The following IGSF10 variants were observed in gnomAD, a reference collection of about 807,000 sequenced individuals.
IGSF10 encodes calvaria mechanical force protein 608.
Under a neutral mutation model 128.2 loss-of-function variants are expected in IGSF10, and 126 were observed. That is an observed-to-expected ratio of 0.98 (90% CI 0.85 to 1.14). The LOEUF is 1.14. Among genes scored for constraint, IGSF10 ranks in the 50% most tolerant of loss-of-function variants. The pLI is 0.00. For synonymous variants in IGSF10, 1,185 were observed against 1,146.2 expected, an observed-to-expected ratio of 1.03 and a Z score of -0.68; for missense variants, 3,295 against 3,149.8, an observed-to-expected ratio of 1.05 and a Z score of -1.10.
At chr3:151,491,033 CAG>C in the IGSF10 span, among the ~76,000 whole-genome samples, 1 of 151,812 alleles carries the variant, frequency 6.6e-6, no homozygotes, top group South Asian at 2.1e-4. Flanking sequence ...AAACAGAAAA[CAG>C]AAAGCCATGG....
intron 2 of IGSF10, among the ~76,000 whole-genome samples, chr3:151,459,066 ACATT>A (rs1279771137): frequency 6.6e-6 from 1 of 152,248 alleles, no homozygotes; most frequent in African/African-American, 2.4e-5. Flanking sequence ...TCCTTTATAT[ACATT>A]AATTCTTTTA....
chr3:151,605,268 A>T, the IGSF10 span, among the ~76,000 whole-genome samples: 2 of 152,176 alleles, frequency 1.3e-5, no homozygotes, highest in Admixed American at 1.3e-4. Flanking sequence ...TTACAAATAA[A>T]TTTAATGTGT....
the IGSF10 span, among the ~76,000 whole-genome samples, chr3:151,617,239 C>CTT: frequency 1.0e-4 from 10 of 95,272 alleles, no homozygotes; most frequent in African/African-American, 5.3e-4. Flanking sequence ...TCTTCTTCTT[C>CTT]CTCCTCCTCT....
chr3:151,441,917 C>T lies in IGSF10; in HGVS notation c.5963+1067G>A, dbSNP rs1316456439. Among the ~76,000 whole-genome samples the T allele has an allele frequency of 1.1e-4, 16 of 152,146 alleles. 1 individual carries two copies. Among genetic ancestry groups the T allele is most frequent in the Admixed American group, 7.2e-4 (11 of 15,264 alleles). On this transcript the variant is annotated intron_variant, in intron 7 of 7. Transcript: ENST00000282466. ...TCTACTAAAAATACAAAAAATTAGT[C>T]GGATGTGGTGGCGGGTGCCTGTGGT...
intron 5 of IGSF10, among the ~76,000 whole-genome samples, chr3:151,452,102 A>G (rs1303627241): frequency 6.6e-6 from 1 of 152,146 alleles, no homozygotes; most frequent in Admixed American, 6.5e-5. Flanking sequence ...TGACTGACCC[A>G]TGGGTCTCGT....
chr3:151,605,655 A>T, the IGSF10 span, among the ~76,000 whole-genome samples: 1 of 152,252 alleles, frequency 6.6e-6, no homozygotes, highest in East Asian at 1.9e-4. Context: ...TAAAGATGAA[A>T]AACACTAAGG....
chr3:151,578,322 A>G, the IGSF10 span, among the ~76,000 whole-genome samples: 7 of 152,218 alleles, frequency 4.6e-5, no homozygotes, highest in Admixed American at 4.6e-4. Flanking sequence ...GCTATGGGGT[A>G]TCTTATGGCA....
Position 151,443,312 on chromosome 3 carries a change from A to C in IGSF10, c.5635T>G (p.Ser1879Ala), listed in dbSNP as rs146860096. 57 of 1,614,172 alleles carry C rather than the reference A, an allele frequency of 3.5e-5. No homozygotes were observed. In the African/African-American group the frequency reaches 6.1e-4, roughly 17 times the overall value. ...TPQPSVYWVL[S>A]DGTEVKPLQF... is the part of the protein sequence containing the mutation. The stretch of plus-strand genomic sequence containing the variant: ...AATGGTTTCACTTCAGTGCCATCAG[A>C]GAGGACCCAGTAAACGCTGGGCTGA... The change falls in exon 7 of 8, where the codon TCT becomes GCT. Residue 1879 changes from serine to alanine, a missense_variant. Physicochemically the swap from Ser to Ala is moderately conservative, Grantham distance 99. Coordinates refer to ENST00000282466, the MANE Select transcript of IGSF10 (RefSeq NM_178822.5).
At position 151,446,146 on chromosome 3, in the gene IGSF10, T is replaced by A; in HGVS notation, c.3835A>T (p.Asn1279Tyr). The change falls in exon 6 of 8, where the codon AAT becomes TAT. Residue 1279 changes from asparagine (N) to tyrosine (Y), a missense_variant. Physicochemically the swap from Asn to Tyr is moderately radical, Grantham distance 143. Transcript: ENST00000282466. Reference protein sequence around the residue: ...TAHHTTTKTHNPGSLPTKKEL... With the variant: ...TAHHTTTKTHYPGSLPTKKEL... ...TTCTTTGTTGGAAGACTTCCAGGAT[T>A]GTGTGTTTTGGTCGTAGTGTGGTGA... 6.2e-7 allele frequency: 1 copy of A among 1,614,038 alleles called. No homozygotes were observed. The highest frequency in any genetic ancestry group is 8.5e-7 in the Non-Finnish European group (1 of 1,179,918).
chr3:151,594,331 CTTTT>C, the IGSF10 span, among the ~76,000 whole-genome samples: 1 of 121,518 alleles, frequency 8.2e-6, no homozygotes, highest in Non-Finnish European at 1.7e-5. Flanking sequence ...ATAAAAACTG[CTTTT>C]TTTTTTTTTT....
chr3:151,449,344 G>T, intron 5 of IGSF10, 79 bp from the exon 6 acceptor site: 2 of 1,346,964 alleles, frequency 1.5e-6, no homozygotes, highest in Non-Finnish European at 2.0e-6. Context: ...AATAGCTTTT[G>T]CTAGAAGCTG....
downstream of IGSF10, chr3:151,435,757 A>T (rs993390050): frequency 6.6e-6 from 1 of 152,216 alleles, no homozygotes; most frequent in Admixed American, 6.5e-5. Context: ...CATGTAATAT[A>T]AATTCAGTGA....
chr3:151,449,147 C>G lies in IGSF10; in HGVS notation c.834G>C (p.Gln278His). 6.2e-7 allele frequency: 1 copy of G among 1,614,154 alleles called. No individual in the cohort carries two copies. Among genetic ancestry groups the G allele is most frequent in the African/African-American group, 1.3e-5 (1 of 75,032 alleles). The change falls in exon 6 of 8, where the codon CAG becomes CAC. Residue 278 changes from glutamine to histidine, a missense_variant. Coordinates refer to ENST00000282466, the MANE Select transcript of IGSF10 (RefSeq NM_178822.5). ...ATGAGTCAATGGTTGGCTTGGCACA[C>G]TGGAAAGCTGCAGCTGAGACCATAG... Reference protein sequence around the residue: ...PLAMVSAAAFQCAKPTIDSSL... With the variant: ...PLAMVSAAAFHCAKPTIDSSL...
chr3:151,452,973 G>T (rs956123166), intron 5 of IGSF10, among the ~76,000 whole-genome samples: 1 of 152,000 alleles, frequency 6.6e-6, no homozygotes, highest in Non-Finnish European at 1.5e-5. Flanking sequence ...GCAGGAAGTT[G>T]TCCAGAGTTG....
chr3:151,528,806 T>G, the IGSF10 span, among the ~76,000 whole-genome samples: 7 of 148,600 alleles, frequency 4.7e-5, no homozygotes, highest in Admixed American at 3.4e-4. Context: ...AGGAGTTTTT[T>G]TTTTTTTTTT....
the IGSF10 span, among the ~76,000 whole-genome samples, chr3:151,502,978 A>G: frequency 1.9e-3 from 283 of 152,280 alleles, no homozygotes; most frequent in African/African-American, 6.6e-3. Flanking sequence ...GAAGGCTAAT[A>G]GCAAAAACTC....
chr3:151,520,480 G>T, the IGSF10 span, among the ~76,000 whole-genome samples: 1 of 151,542 alleles, frequency 6.6e-6, no homozygotes, highest in Non-Finnish European at 1.5e-5. Context: ...AAACCATACT[G>T]TTTATACATT....
At chr3:151,491,830 G>A in the IGSF10 span, among the ~76,000 whole-genome samples, 3 of 151,958 alleles carry the variant, frequency 2.0e-5, no homozygotes, top group Non-Finnish European at 4.4e-5. Context: ...GCCACACAAA[G>A]ATACCACAAG....
chr3:151,583,312 T>C, the IGSF10 span, among the ~76,000 whole-genome samples: 1 of 152,308 alleles, frequency 6.6e-6, no homozygotes, highest in Non-Finnish European at 1.5e-5. Context: ...TCCTCTTTCC[T>C]AATATGTGAA....
Sources: gnomAD v4.1 joint callset for allele counts (sites outside exome capture counted in the v4.1 genomes callset) on GRCh38, gnomAD v4.1.1 for gene constraint, MANE v1.5 for transcripts, NCBI Gene and HGNC (gene_info 2026-07-23, HGNC 2026-07-21) for gene names.